Variants in PCBP3 observed in about 807,000 individuals in gnomAD.
PCBP3 encodes the protein poly(rC) binding protein 3.
A neutral mutation model predicts 52.7 loss-of-function variants in PCBP3; 25 were observed. That is an observed-to-expected ratio of 0.47 (90% CI 0.35 to 0.66). The LOEUF is 0.66. Ranked by LOEUF, PCBP3 falls within the 30% of genes least tolerant of loss-of-function variation. The pLI is 0.01. For missense variants in PCBP3, 391 were observed against 490.3 expected (o/e 0.80, Z 1.91); for synonymous variants, 162 against 183.0 (o/e 0.89, Z 0.93).
chr21:45,792,191 G>A (rs2091640616), intron 4 of PCBP3, among the ~76,000 whole-genome samples: 1 of 152,268 alleles, frequency 6.6e-6, no homozygotes, highest in Non-Finnish European at 1.5e-5. Context: ...TAAAAATTGT[G>A]TTTCCAGCCT....
At chr21:45,646,107 C>CTCTGTG (rs1555895746) in intron 1 of PCBP3, among the ~76,000 whole-genome samples, 6,093 of 83,774 alleles carry the variant, frequency 0.073, 295 homozygotes, top group Admixed American at 0.12. Context: ...CTCTCTCTCT[C>CTCTGTG]TGTGTGTGTG....
Position 45,898,624 on chromosome 21 carries a change from C to T in PCBP3, c.166-975C>T, listed in dbSNP as rs1312125694. Among the ~76,000 whole-genome samples the T allele has an allele frequency of 1.4e-4, 14 of 102,860 alleles. 1 individual carries two copies. The highest frequency in any genetic ancestry group is 4.7e-4 in the South Asian group (1 of 2,118). 67.5% of individuals were successfully genotyped at this position (102,860 alleles called of 152,430 possible). A position where few individuals can be genotyped will look rare whatever the true frequency, so the allele number is the denominator to read the frequency against. On this transcript the variant is annotated intron_variant, in intron 6 of 17. Transcript: ENST00000681687. ...GCCCCTCTACACACCGTCCTCACGGCCTCCCTCTCCCTCCACGGGCCCCTC... is the reference window on the plus strand; with the variant it reads ...GCCCCTCTACACACCGTCCTCACGGTCTCCCTCTCCCTCCACGGGCCCCTC...
At chr21:45,899,168 G>T (rs1473743908) in intron 6 of PCBP3, among the ~76,000 whole-genome samples, 1 of 152,266 alleles carries the variant, frequency 6.6e-6, no homozygotes, top group African/African-American at 2.4e-5. Flanking sequence ...ACAGGCTGCC[G>T]TTGGAATAGG....
chr21:45,901,182 T>C, intron 9 of PCBP3, 69 bp downstream of exon 9: 1 of 1,074,498 alleles, frequency 9.3e-7, no homozygotes, highest in Non-Finnish European at 1.4e-6. Context: ...GCTCCCTGGG[T>C]CCTCTCCCCT....
At chr21:45,824,558 T>C (rs888237301) in intron 4 of PCBP3, among the ~76,000 whole-genome samples, 3 of 152,250 alleles carry the variant, frequency 2.0e-5, no homozygotes, top group Non-Finnish European at 4.4e-5. Flanking sequence ...GTGTTCACAG[T>C]AAATCTCTGC....
chr21:45,646,750 T>C (rs1262472013), intron 1 of PCBP3, among the ~76,000 whole-genome samples: 1 of 152,270 alleles, frequency 6.6e-6, no homozygotes, highest in Non-Finnish European at 1.5e-5. Context: ...ATTCTAATCA[T>C]AGCACCTTTA....
chr21:45,816,219 A>G (rs777596229), intron 4 of PCBP3, among the ~76,000 whole-genome samples: 3 of 152,016 alleles, frequency 2.0e-5, no homozygotes, highest in Non-Finnish European at 4.4e-5. Context: ...CACTTGGGAT[A>G]TGCTAAATTT....
chr21:45,705,902 A>T (rs1411538327), intron 2 of PCBP3, among the ~76,000 whole-genome samples: 2 of 152,192 alleles, frequency 1.3e-5, no homozygotes, highest in East Asian at 3.9e-4. Flanking sequence ...GTCTCCATAG[A>T]GGTGAAGGAG....
At chr21:45,870,070 A>G (rs1411648087) in intron 5 of PCBP3, among the ~76,000 whole-genome samples, 1 of 152,022 alleles carries the variant, frequency 6.6e-6, no homozygotes, top group Non-Finnish European at 1.5e-5. Flanking sequence ...TTTAGTTGTA[A>G]TGTTATCGCT....
intron 11 of PCBP3, among the ~76,000 whole-genome samples, chr21:45,912,721 C>T (rs1053000874): frequency 2.0e-5 from 3 of 152,126 alleles, no homozygotes; most frequent in African/African-American, 7.2e-5. Context: ...GGGTGGGGGT[C>T]GAGGGCCCAT....
chr21:45,845,237 G>C (rs2093783073), intron 4 of PCBP3, among the ~76,000 whole-genome samples: 1 of 152,240 alleles, frequency 6.6e-6, no homozygotes, highest in African/African-American at 2.4e-5. Flanking sequence ...CGGTTTCCCT[G>C]ATGCTGAGAG....
chr21:45,797,906 G>A (rs111509887), intron 4 of PCBP3, among the ~76,000 whole-genome samples: 1,786 of 141,060 alleles, frequency 0.013, 11 homozygotes, highest in African/African-American at 0.045. Context: ...TGAGTGCATG[G>A]ATCCATAGAG....
At position 45,928,219 on chromosome 21, in the gene PCBP3, C is replaced by A. The variant is rs951356377; in HGVS notation, c.718-1698C>A. ...AGCTGGTGTCCTTGGGACAGGATGT[C>A]CCCCACAAGCTCTCCTGGCACCCTC... On this transcript the variant is annotated intron_variant, in intron 13 of 17. Transcript: ENST00000681687. This position sits in a 1 kb window ranked among gnomAD's most constrained non-coding sequence, Gnocchi z 4.1. Among the ~76,000 whole-genome samples, 1 of 152,200 alleles carries A rather than the reference C, an allele frequency of 6.6e-6. No homozygotes were observed. The highest frequency in any genetic ancestry group is 2.1e-4 in the South Asian group (1 of 4,830).
Position 45,825,993 on chromosome 21 carries a change from G to A in PCBP3, c.-125-23968G>A, listed in dbSNP as rs373151715. Among the ~76,000 whole-genome samples the A allele has an allele frequency of 3.3e-5, 5 of 152,308 alleles. No individual in the cohort carries two copies. In the South Asian group the frequency reaches 6.2e-4, roughly 19 times the overall value. ...GAGGAAAGAAAAAAGCAGTGAGGGC[G>A]GGGTGCAGTGGCTCACGCCTGTAAT... is the stretch of plus-strand genomic sequence containing the variant. On this transcript the variant is annotated intron_variant, in intron 4 of 17. Transcript: ENST00000681687.
intron 4 of PCBP3, among the ~76,000 whole-genome samples, chr21:45,844,397 T>C (rs1300995538): frequency 1.3e-5 from 2 of 152,056 alleles, no homozygotes; most frequent in East Asian, 3.9e-4. Context: ...CTTCACATGG[T>C]CCAGATGTCA....
At chr21:45,902,797 C>A (rs1342400402) in intron 9 of PCBP3, among the ~76,000 whole-genome samples, 2 of 152,234 alleles carry the variant, frequency 1.3e-5, no homozygotes, top group Non-Finnish European at 1.5e-5. Context: ...GCATGGCTGG[C>A]CAGCAAGAAA....
In PCBP3 at chr21:45,741,300, C is replaced by A. The variant is rs564400444; in HGVS notation, c.-162+5871C>A. On this transcript the variant is annotated intron_variant, in intron 3 of 17. Coordinates refer to ENST00000681687, the MANE Select transcript of PCBP3 (RefSeq NM_001384156.1). The surrounding 1 kb of genome is among the most constrained non-coding windows in gnomAD (Gnocchi z 4.5). Reference sequence around the variant, plus strand: ...AACACCAAAGAAAGCAGTGGGGAGGCCCTTATTCACTGTGAGAAGCAGAAA... The same window carrying A: ...AACACCAAAGAAAGCAGTGGGGAGGACCTTATTCACTGTGAGAAGCAGAAA... Among the ~76,000 whole-genome samples, 1 of 152,200 alleles carries A rather than the reference C, an allele frequency of 6.6e-6. No individual in the cohort carries two copies. Among genetic ancestry groups the A allele is most frequent in the Non-Finnish European group, 1.5e-5 (1 of 67,998 alleles).
At chr21:45,926,375 T>C (rs1487080376) in intron 13 of PCBP3, among the ~76,000 whole-genome samples, 3 of 152,256 alleles carry the variant, frequency 2.0e-5, no homozygotes, top group African/African-American at 7.2e-5. Flanking sequence ...TGTATTACTA[T>C]GCTTTTTATC....
At chr21:45,678,089 C>T (rs528161692) in intron 2 of PCBP3, among the ~76,000 whole-genome samples, 1 of 152,246 alleles carries the variant, frequency 6.6e-6, no homozygotes, top group African/African-American at 2.4e-5. Flanking sequence ...CGCCTGTAAT[C>T]CCAGCACTTT....
Sources: allele counts gnomAD v4.1 joint callset (sites outside exome capture counted in the v4.1 genomes callset), GRCh38; gene constraint gnomAD v4.1.1; non-coding constraint Gnocchi (gnomAD v3.1); transcripts MANE v1.5; gene names NCBI Gene and HGNC (gene_info 2026-07-23, HGNC 2026-07-21).